The following NTM variants were observed in gnomAD, a reference collection of about 807,000 sequenced individuals.
NTM encodes the protein neurotrimin.
In NTM, 13 loss-of-function variants were observed where a neutral mutation model predicts 42.1. That is an observed-to-expected ratio of 0.31 (90% CI 0.20 to 0.49). The LOEUF is 0.49. Ranked by LOEUF, NTM falls within the 20% of genes least tolerant of loss-of-function variation. The probability of loss-of-function intolerance (pLI) is 0.99; values close to 1 mark genes in which losing one functional copy is unlikely to be tolerated. For synonymous variants in NTM, 187 were observed against 179.2 expected (o/e 1.04, Z -0.35); for missense variants, 373 against 452.8 (o/e 0.82, Z 1.60).
chr11:132,321,888 A>G (rs1272082588), intron 7 of NTM, among the ~76,000 whole-genome samples: 1 of 149,722 alleles, frequency 6.7e-6, no homozygotes, highest in Non-Finnish European at 1.5e-5. Context: ...ATTCTTAAAG[A>G]AAAGAATTTT....
chr11:131,424,722 G>A (rs1200901247), intron 1 of NTM, among the ~76,000 whole-genome samples: 5 of 102,922 alleles, frequency 4.9e-5, no homozygotes, highest in Admixed American at 4.8e-4. Flanking sequence ...ACCATGCCTG[G>A]CTAATTTTTT....
At chr11:131,400,381 T>A (rs1014648863) in intron 1 of NTM, among the ~76,000 whole-genome samples, 2 of 152,144 alleles carry the variant, frequency 1.3e-5, no homozygotes, top group African/African-American at 4.8e-5. Context: ...AGGAGCTCCA[T>A]CCAAATGCAC....
At chr11:132,249,399 C>T (rs1282470574) in intron 4 of NTM, among the ~76,000 whole-genome samples, 1 of 152,144 alleles carries the variant, frequency 6.6e-6, no homozygotes, top group Non-Finnish European at 1.5e-5. Flanking sequence ...CTGGAGAAGG[C>T]AGGGACCGCC....
At chr11:132,128,687 G>A (rs2066273209) in intron 2 of NTM, among the ~76,000 whole-genome samples, 2 of 151,886 alleles carry the variant, frequency 1.3e-5, no homozygotes, top group Admixed American at 6.6e-5. Flanking sequence ...GGCTGAGGCA[G>A]GTGGATCACG....
At chr11:132,330,817 A>G (rs2095789180) in intron 8 of NTM, among the ~76,000 whole-genome samples, 1 of 152,152 alleles carries the variant, frequency 6.6e-6, no homozygotes, top group South Asian at 2.1e-4. Context: ...AAAGGCATTC[A>G]CTGTGGAGTG....
At chr11:131,591,720 C>G (rs1272532601) in intron 1 of NTM, among the ~76,000 whole-genome samples, 1 of 152,182 alleles carries the variant, frequency 6.6e-6, no homozygotes, top group Non-Finnish European at 1.5e-5. Context: ...GTGTGGATGG[C>G]TCAGCCCTGC....
At chr11:131,608,831 A>G (rs2061227834) in intron 1 of NTM, among the ~76,000 whole-genome samples, 1 of 152,166 alleles carries the variant, frequency 6.6e-6, no homozygotes, top group African/African-American at 2.4e-5. Context: ...TAAAGATAAG[A>G]TATCTTCAGG....
chr11:132,120,609 AT>A (rs965971641), intron 2 of NTM, among the ~76,000 whole-genome samples: 3 of 152,186 alleles, frequency 2.0e-5, no homozygotes, highest in African/African-American at 7.2e-5. Context: ...CATTGGATAA[AT>A]CATCTATGTT....
chr11:131,727,533 C>T (rs563077043), intron 1 of NTM, among the ~76,000 whole-genome samples: 4 of 152,098 alleles, frequency 2.6e-5, no homozygotes, highest in Admixed American at 6.5e-5. Context: ...GCCAGCCTAC[C>T]AATATGCCAG....
intron 2 of NTM, among the ~76,000 whole-genome samples, chr11:132,114,842 A>G (rs2063674375): frequency 6.6e-6 from 1 of 152,154 alleles, no homozygotes; most frequent in Admixed American, 6.5e-5. Context: ...TTATCCAGTC[A>G]TCTGTTGTTG....
intron 4 of NTM, among the ~76,000 whole-genome samples, chr11:132,265,751 AT>A (rs879832725): frequency 2.6e-5 from 4 of 152,038 alleles, no homozygotes; most frequent in Admixed American, 6.6e-5. Flanking sequence ...TATTTCAAGC[AT>A]TTTTTTTATG....
chr11:131,850,642 G>A (rs770306014), intron 1 of NTM, among the ~76,000 whole-genome samples: 7 of 152,146 alleles, frequency 4.6e-5, no homozygotes, highest in Admixed American at 1.3e-4. Flanking sequence ...GGTAGGTAGC[G>A]GCTGCTGATC....
chr11:131,424,600 C>CTTTTCTTTT (rs1555108116), intron 1 of NTM, among the ~76,000 whole-genome samples: 2 of 56,048 alleles, frequency 3.6e-5, no homozygotes, highest in African/African-American at 7.3e-5. Context: ...CTTTTCTTTT[C>CTTTTCTTTT]TTTTTTTTTT....
chr11:131,496,774 G>A (rs1955389003), intron 1 of NTM, among the ~76,000 whole-genome samples: 1 of 152,186 alleles, frequency 6.6e-6, no homozygotes, highest in Non-Finnish European at 1.5e-5. Context: ...GGCCCAGACA[G>A]CACCTCCTCC....
chr11:131,771,001 T>C (rs2085993783), intron 1 of NTM: 1 of 152,216 alleles, frequency 6.6e-6, no homozygotes, highest in Admixed American at 6.5e-5. Context: ...CTTTCACATT[T>C]ACCGTAGCAC....
chr11:131,633,334 A>C (rs1401940560), intron 1 of NTM, among the ~76,000 whole-genome samples: 4 of 152,170 alleles, frequency 2.6e-5, no homozygotes, highest in African/African-American at 7.2e-5. Context: ...TTGACTCTAA[A>C]TGGAACTTAA....
Position 131,902,070 on chromosome 11 carries a change from G to A in NTM, c.83-9494G>A, listed in dbSNP as rs997909879. Among the ~76,000 whole-genome samples, 13 of 152,218 alleles carry A rather than the reference G, an allele frequency of 8.5e-5. No individual in the cohort carries two copies. In the East Asian group the frequency reaches 1.5e-3, roughly 18 times the overall value. On this transcript the variant is annotated intron_variant, in intron 1 of 8. Transcript: ENST00000683400. ...TTATTTAGAAAGGCCCTGAACTCACGATGGTAATGCATACAGGTGGACCAA... is the reference window on the plus strand; with the variant it reads ...TTATTTAGAAAGGCCCTGAACTCACAATGGTAATGCATACAGGTGGACCAA...
At chr11:131,939,557 G>T (rs1217577609) in intron 2 of NTM, among the ~76,000 whole-genome samples, 1 of 152,070 alleles carries the variant, frequency 6.6e-6, no homozygotes, top group Non-Finnish European at 1.5e-5. Flanking sequence ...CTGTGCAGAT[G>T]GAGGGAGTAT....
intron 1 of NTM, among the ~76,000 whole-genome samples, chr11:131,423,837 A>G: frequency 6.6e-6 from 1 of 152,142 alleles, no homozygotes; most frequent in East Asian, 1.9e-4. Context: ...TCTCTTATCT[A>G]GGAAGGGAAC....
Sources: allele counts gnomAD v4.1 joint callset (sites outside exome capture counted in the v4.1 genomes callset), GRCh38; gene constraint gnomAD v4.1.1; transcripts MANE v1.5; gene names NCBI Gene and HGNC (gene_info 2026-07-23, HGNC 2026-07-21).